The following AFF2 variants were observed in gnomAD, a reference collection of about 807,000 sequenced individuals.
AFF2 encodes the protein ALF transcription elongation factor 2, also known as AF4/FMR2 family member 2.
A neutral mutation model predicts 76.9 loss-of-function variants in AFF2; 14 were observed. The ratio of observed to expected loss-of-function variants is 0.18; its 90% CI spans 0.12 to 0.28. The LOEUF is 0.28. AFF2 is among the 10% of genes least tolerant of loss of function. The pLI is 1.00. For missense variants in AFF2, 868 were observed against 1,001.1 expected, an observed-to-expected ratio of 0.87 and a Z score of 1.79; for synonymous variants, 398 against 366.7, an observed-to-expected ratio of 1.09 and a Z score of -0.98.
chrX:148,729,685 G>A (rs1182550030), intron 3 of AFF2, among the ~76,000 whole-genome samples: 3 of 111,688 alleles, frequency 2.7e-5, no homozygotes, highest in Admixed American at 1.9e-4. Flanking sequence ...GGGAAGGGAC[G>A]ACAAGGGTTT....
chrX:148,945,291 A>G (rs2071887673), intron 9 of AFF2, among the ~76,000 whole-genome samples: 1 of 112,341 alleles, frequency 8.9e-6, no homozygotes, highest in Admixed American at 9.4e-5. Context: ...ATTGTTCAGG[A>G]ACAATTGCCT....
intron 1 of AFF2, among the ~76,000 whole-genome samples, chrX:148,562,223 C>G (rs2053121167): frequency 8.9e-6 from 1 of 112,359 alleles, no homozygotes; most frequent in Non-Finnish European, 1.9e-5. Flanking sequence ...AATCAATTGT[C>G]AAGTCGCTTT....
At position 148,591,660 on chromosome X, in the gene AFF2, C is replaced by T. The variant is rs782227569; in HGVS notation, c.48-60339C>T. On this transcript the variant is annotated intron_variant, in intron 1 of 20. Transcript: ENST00000370460. ...TGGACTGGATTTATTCCATCATTAG[C>T]GAAGAAATTTCCTTTTCTGAGAGGG... 2.7e-5 allele frequency among the ~76,000 whole-genome samples: 3 copies of T among 111,999 alleles called. No homozygotes were observed. The South Asian group carries it at 1.1e-3, about 42-fold the overall frequency.
intron 9 of AFF2, among the ~76,000 whole-genome samples, chrX:148,922,451 G>T (rs782684569): frequency 8.9e-6 from 1 of 112,101 alleles, no homozygotes; most frequent in African/African-American, 3.2e-5. Context: ...AAAATCAATG[G>T]CTCAAAAACA....
rs1159619446 is a variant in AFF2 at position 148,500,800 on chromosome X, C to G, written c.-298C>G. Reference sequence around the variant, plus strand: ...CGGCCCAGCCCGCCTGAGCCCGCAGCGGCTGCCGCCGCAGCGTCGGGTCGC... The same window carrying G: ...CGGCCCAGCCCGCCTGAGCCCGCAGGGGCTGCCGCCGCAGCGTCGGGTCGC... On this transcript the variant is annotated 5_prime_UTR_variant, in exon 1 of 21. Coordinates refer to ENST00000370460, the MANE Select transcript of AFF2 (RefSeq NM_002025.4). 4 of 115,345 alleles carry G rather than the reference C, an allele frequency of 3.5e-5. No individual in the cohort carries two copies. Among genetic ancestry groups the G allele is most frequent in the African/African-American group, 1.4e-4 (4 of 29,532 alleles). 9.5% of individuals were successfully genotyped at this position (115,345 alleles called of 1,213,427 possible). A position where few individuals can be genotyped will look rare whatever the true frequency, so the allele number is the denominator to read the frequency against.
chrX:148,840,492 C>T (rs1377522408), intron 5 of AFF2, among the ~76,000 whole-genome samples: 1 of 111,878 alleles, frequency 8.9e-6, no homozygotes, highest in Admixed American at 9.5e-5. Context: ...GTTAGCTGAC[C>T]CTTGCTCTAT....
rs149481852 is a variant in AFF2 at position 148,502,308 on chromosome X, T to C, written c.47+1164T>C. Among the ~76,000 whole-genome samples, 221 of 112,535 alleles carry C rather than the reference T, an allele frequency of 2.0e-3. 2 individuals are homozygous for C. The highest frequency in any genetic ancestry group is 6.9e-3 in the African/African-American group (215 of 30,970). On this transcript the variant is annotated intron_variant, in intron 1 of 20. Coordinates refer to ENST00000370460, the MANE Select transcript of AFF2 (RefSeq NM_002025.4). ...TAGCGGCCGTTGGTTATGAATGCTG[T>C]GTATTTTTACAAGGATTTCCCCTGT... is the stretch of plus-strand genomic sequence containing the variant.
At chrX:148,767,472 G>A (rs782775924) in intron 3 of AFF2, among the ~76,000 whole-genome samples, 2 of 111,608 alleles carry the variant, frequency 1.8e-5, no homozygotes, top group African/African-American at 6.5e-5. Context: ...ACTTTCAATT[G>A]AGATATTTAG....
At chrX:148,580,579 G>C (rs1387821108) in intron 1 of AFF2, among the ~76,000 whole-genome samples, 1 of 110,521 alleles carries the variant, frequency 9.0e-6, no homozygotes, top group African/African-American at 3.3e-5. Flanking sequence ...ATAGTAATTT[G>C]AAATAAAAGG....
intron 7 of AFF2, among the ~76,000 whole-genome samples, chrX:148,884,827 A>G (rs2071138593): frequency 8.9e-6 from 1 of 112,095 alleles, no homozygotes; most frequent in Admixed American, 9.5e-5. Flanking sequence ...CTTTCTAGAA[A>G]GCTTTTGTAC....
chrX:148,666,524 G>T, intron 3 of AFF2, among the ~76,000 whole-genome samples: 1 of 110,208 alleles, frequency 9.1e-6, no homozygotes, highest in East Asian at 2.8e-4. Flanking sequence ...GGCAGAGGTT[G>T]CAGTGAGCCG....
intron 7 of AFF2, among the ~76,000 whole-genome samples, chrX:148,870,455 C>T (rs1440759023): frequency 8.9e-5 from 10 of 112,451 alleles, no homozygotes; most frequent in African/African-American, 3.2e-4. Context: ...GCATCTTTGA[C>T]CAAGCCTGGC....
intron 4 of AFF2, among the ~76,000 whole-genome samples, chrX:148,819,461 T>G (rs183042765): frequency 2.5e-4 from 28 of 111,595 alleles, no homozygotes; most frequent in African/African-American, 8.4e-4. Context: ...GTATATCTTT[T>G]TTGATGAAGT....
chrX:148,784,268 G>A (rs1365789141), intron 3 of AFF2, among the ~76,000 whole-genome samples: 1 of 112,154 alleles, frequency 8.9e-6, no homozygotes, highest in Non-Finnish European at 1.9e-5. Context: ...GCCTTTTTGG[G>A]TCTCTTCCTT....
rs1290368662 is a variant in AFF2 at position 148,994,101 on chromosome X, TTA to T, written c.*2770_*2771del. ...TTGATGGAGGCTTGGTGAGACACAC[TTA>T]AATAAGCACGTGGAGGTTAGAATAG... On this transcript the variant is annotated 3_prime_UTR_variant, in exon 21 of 21. Coordinates refer to ENST00000370460, the MANE Select transcript of AFF2 (RefSeq NM_002025.4). 5 of 111,192 alleles carry T rather than the reference TTA, an allele frequency of 4.5e-5. No homozygotes were observed. The highest frequency in any genetic ancestry group is 9.4e-5 in the Non-Finnish European group (5 of 52,973). 9.2% of individuals were successfully genotyped at this position (111,192 alleles called of 1,213,427 possible). A position where few individuals can be genotyped will look rare whatever the true frequency, so the allele number is the denominator to read the frequency against.
At chrX:148,843,299 C>T in intron 6 of AFF2, 83 bp from the exon 7 acceptor site, 3 of 848,630 alleles carry the variant, frequency 3.5e-6, no homozygotes, top group Non-Finnish European at 5.1e-6. Flanking sequence ...CGGGGGACTG[C>T]ATGTTTGGAG....
intron 3 of AFF2, chrX:148,719,077 G>T (rs1557263578): frequency 9.2e-7 from 1 of 1,087,487 alleles, no homozygotes; most frequent in African/African-American, 1.8e-5. Flanking sequence ...GGGGCAGTCT[G>T]GGATATTAAG....
At chrX:148,795,925 A>G in intron 3 of AFF2, among the ~76,000 whole-genome samples, 1 of 86,417 alleles carries the variant, frequency 1.2e-5, no homozygotes, top group East Asian at 3.9e-4. Flanking sequence ...ATCATAATAA[A>G]TTTTTATTTA....
chrX:148,883,545 T>A (rs2071121878), intron 7 of AFF2, among the ~76,000 whole-genome samples: 2 of 111,562 alleles, frequency 1.8e-5, no homozygotes, highest in Non-Finnish European at 3.8e-5. Flanking sequence ...ATATCGGGGT[T>A]TATGATTAGC....
Sources: allele counts gnomAD v4.1 joint callset (sites outside exome capture counted in the v4.1 genomes callset), GRCh38; gene constraint gnomAD v4.1.1; transcripts MANE v1.5; gene names NCBI Gene and HGNC (gene_info 2026-07-23, HGNC 2026-07-21).